The following TMEM184B variants were observed in gnomAD, a reference collection of about 807,000 sequenced individuals.
TMEM184B encodes the protein transmembrane protein 184B, also known as putative MAPK-activating protein FM08.
In TMEM184B, 17 loss-of-function variants were observed where a neutral mutation model predicts 41.8. That is an observed-to-expected ratio of 0.41 (90% CI 0.28 to 0.61). The LOEUF is 0.61. TMEM184B is among the 20% of genes least tolerant of loss of function. The pLI, the probability that TMEM184B is intolerant of heterozygous loss-of-function variation, is 0.34. For synonymous variants in TMEM184B, 240 were observed against 229.5 expected, an observed-to-expected ratio of 1.05 and a Z score of -0.41; for missense variants, 393 against 557.8, an observed-to-expected ratio of 0.70 and a Z score of 2.98.
chr22:38,229,376 T>A (rs2091545571), intron 5 of TMEM184B, among the ~76,000 whole-genome samples: 1 of 152,240 alleles, frequency 6.6e-6, no homozygotes, highest in Non-Finnish European at 1.5e-5. Flanking sequence ...CATGACCTCA[T>A]CTGATCCTCA....
At chr22:38,221,780 G>C in intron 8 of TMEM184B, 70 bp from the exon 9 acceptor site, 2 of 1,575,598 alleles carry the variant, frequency 1.3e-6, no homozygotes, top group Non-Finnish European at 1.7e-6. Context: ...CTCAGCCCCT[G>C]CCCGTGATCC....
intron 5 of TMEM184B, 55 bp downstream of exon 5, chr22:38,230,614 C>T (rs1333810839): frequency 5.8e-6 from 9 of 1,558,852 alleles, no homozygotes; most frequent in Non-Finnish European, 7.8e-6. Context: ...CACGGCAGGG[C>T]CTCCCAGACC....
intron 3 of TMEM184B, among the ~76,000 whole-genome samples, chr22:38,233,754 T>G (rs533767254): frequency 1.3e-4 from 20 of 151,974 alleles, no homozygotes; most frequent in Middle Eastern, 3.4e-3. Flanking sequence ...TGTATTTTTT[T>G]TTGTTGTTTT....
downstream of TMEM184B, among the ~76,000 whole-genome samples, chr22:38,218,438 C>G (rs1323116212): frequency 1.3e-5 from 2 of 152,160 alleles, no homozygotes; most frequent in African/African-American, 4.8e-5. Flanking sequence ...ACCCTGGAGA[C>G]CTGTGGGGCT....
chr22:38,242,362 C>T (rs2091930632), intron 3 of TMEM184B, among the ~76,000 whole-genome samples: 1 of 151,946 alleles, frequency 6.6e-6, no homozygotes, highest in African/African-American at 2.4e-5. Context: ...CCTGTAGTCC[C>T]AGCTACTCGA....
chr22:38,226,941 C>A lies in TMEM184B; in HGVS notation c.526-71G>T. The A allele has an allele frequency of 6.9e-7, 1 of 1,457,112 alleles. No homozygotes were observed. 90.3% of individuals were successfully genotyped at this position (1,457,112 alleles called of 1,614,324 possible). ...GGCATGAAGCAAGCCCTGCCTCTGG[C>A]AGACGGAACTGTACCGGATGGAGGG... On this transcript the variant is annotated intron_variant, in intron 5 of 8. Coordinates refer to ENST00000361906, the MANE Select transcript of TMEM184B (RefSeq NM_012264.5). This position sits in a 1 kb window ranked among gnomAD's most constrained non-coding sequence, Gnocchi z 4.6.
chr22:38,217,879 T>C (rs904598830), downstream of TMEM184B, among the ~76,000 whole-genome samples: 1 of 148,222 alleles, frequency 6.7e-6, no homozygotes, highest in African/African-American at 2.5e-5. Flanking sequence ...AATTAGCCAG[T>C]CATGGTGGTG....
At chr22:38,252,142 T>G (rs1266078593) in intron 1 of TMEM184B, among the ~76,000 whole-genome samples, 1 of 151,770 alleles carries the variant, frequency 6.6e-6, no homozygotes, top group Admixed American at 6.6e-5. Flanking sequence ...TCATTACAAC[T>G]TCTGCCTCCT....
At chr22:38,217,616 T>G (rs1895281610), downstream of TMEM184B, among the ~76,000 whole-genome samples, 1 of 151,098 alleles carries the variant, frequency 6.6e-6, no homozygotes, top group African/African-American at 2.4e-5. Flanking sequence ...GACTCCAGCC[T>G]GGGCGACAGA....
intron 1 of TMEM184B, among the ~76,000 whole-genome samples, chr22:38,258,588 C>A (rs2092322135): frequency 6.6e-6 from 1 of 152,280 alleles, no homozygotes; most frequent in Middle Eastern, 3.4e-3. Context: ...GCATGAGCCA[C>A]CGTGCCCAGC....
chr22:38,221,672 T>G lies in TMEM184B; in HGVS notation c.1021A>C (p.Lys341Gln). ...APMKSISSSL[K>Q]ETMNPHDIVQ... ...ATGTCGTGCGGGTTCATGGTCTCCT[T>G]GAGGCTGCTGGAGATGCTCTTCATG... Residue 341 changes from lysine (K) to glutamine (Q), a missense_variant, in exon 9 of 9, where the codon AAG becomes CAG. Transcript: ENST00000361906. 5.6e-6 allele frequency: 9 copies of G among 1,613,930 alleles called. No individual in the cohort carries two copies. Among genetic ancestry groups the G allele is most frequent in the Non-Finnish European group, 7.6e-6 (9 of 1,179,946 alleles).
intron 1 of TMEM184B, among the ~76,000 whole-genome samples, chr22:38,265,855 G>A (rs901156734): frequency 2.0e-5 from 3 of 152,220 alleles, no homozygotes; most frequent in Admixed American, 2.0e-4. Context: ...AGTAGCTACA[G>A]CGGCGCCATG....
intron 5 of TMEM184B, among the ~76,000 whole-genome samples, chr22:38,229,080 C>T (rs2091535064): frequency 6.6e-6 from 1 of 152,268 alleles, no homozygotes; most frequent in Non-Finnish European, 1.5e-5. Flanking sequence ...GGAGACTTGG[C>T]ATGTTCAGGT....
intron 3 of TMEM184B, 145 bp downstream of exon 3, chr22:38,245,790 T>C (rs1038432412): frequency 7.0e-6 from 6 of 852,194 alleles, no homozygotes; most frequent in East Asian, 2.7e-5. Context: ...ACCTGTCAAT[T>C]TGGGACAGAA....
chr22:38,251,586 T>C (rs2092163338), intron 1 of TMEM184B, among the ~76,000 whole-genome samples: 1 of 152,146 alleles, frequency 6.6e-6, no homozygotes, highest in Admixed American at 6.5e-5. Flanking sequence ...GGCCAGACTC[T>C]GCAAACTGTT....
intron 3 of TMEM184B, among the ~76,000 whole-genome samples, chr22:38,243,273 G>A (rs1262616730): frequency 2.6e-5 from 4 of 152,194 alleles, no homozygotes; most frequent in East Asian, 3.9e-4. Flanking sequence ...GGAGTGAGGG[G>A]TGCCCGCCAG....
intron 1 of TMEM184B, among the ~76,000 whole-genome samples, chr22:38,257,743 A>G (rs2092306193): frequency 6.6e-6 from 1 of 152,214 alleles, no homozygotes; most frequent in Non-Finnish European, 1.5e-5. Flanking sequence ...TTATTGTAAC[A>G]TACACTTATA....
rs1009353120 is a variant in TMEM184B, at chr22:38,230,717, G to A, written c.477C>T (p.Cys159=). ...IESSCMYGTC[C]LWGKTYSIGF... ...CGATGGAATAAGTCTTTCCCCAGAG[G>A]CAGCAGGTGCCATACATACAGCTGG... The change falls in exon 5 of 9, where the codon TGC becomes TGT. Residue 159 remains cysteine (C), a synonymous_variant. Coordinates refer to ENST00000361906, the MANE Select transcript of TMEM184B (RefSeq NM_012264.5). The A allele has an allele frequency of 1.9e-6, 3 of 1,612,526 alleles. No individual in the cohort carries two copies. The highest frequency in any genetic ancestry group is 1.6e-4 in the Middle Eastern group (1 of 6,062).
At chr22:38,230,876 C>T (rs925918652) in intron 4 of TMEM184B, 132 bp from the exon 5 acceptor site, 6 of 853,170 alleles carry the variant, frequency 7.0e-6, no homozygotes, top group South Asian at 3.0e-5. Flanking sequence ...ACTTTGAACC[C>T]GAGGCCAAGC....
Sources: gnomAD v4.1 joint callset for allele counts (sites outside exome capture counted in the v4.1 genomes callset) on GRCh38, gnomAD v4.1.1 for gene constraint, Gnocchi (gnomAD v3.1) non-coding constraint, MANE v1.5 for transcripts, NCBI Gene and HGNC (gene_info 2026-07-23, HGNC 2026-07-21) for gene names.